The following KIRREL2 variants were observed in gnomAD, a reference collection of about 807,000 sequenced individuals.
KIRREL2 encodes the protein kirre like nephrin family adhesion molecule 2.
A neutral mutation model predicts 73.4 loss-of-function variants in KIRREL2; 56 were observed. The observed-to-expected ratio is 0.76, with a 90% CI of 0.62 to 0.95. The LOEUF (loss-of-function observed/expected upper bound fraction) is 0.95. Among genes scored for constraint, KIRREL2 ranks in the 40% least tolerant of loss-of-function variants. The pLI, the probability that KIRREL2 is intolerant of heterozygous loss-of-function variation, is 0.00. For synonymous variants in KIRREL2, 407 were observed against 404.0 expected (o/e 1.01, Z -0.09); for missense variants, 896 against 935.0 (o/e 0.96, Z 0.54).
intron 8 of KIRREL2, 31 bp from the exon 9 acceptor site, chr19:35,861,091 T>A (rs918198197): frequency 1.4e-5 from 22 of 1,606,198 alleles, no homozygotes; most frequent in Non-Finnish European, 1.6e-5. Context: ...TCCTTACAAA[T>A]CCGGCTTCTG....
At chr19:35,862,121 A>C in intron 11 of KIRREL2, 97 bp downstream of exon 11, 4 of 1,035,904 alleles carry the variant, frequency 3.9e-6, no homozygotes, top group Non-Finnish European at 5.6e-6. Context: ...ATACCCTCAA[A>C]TGCAGAGGAG....
rs769337095 is a variant in KIRREL2 at position 35,864,648 on chromosome 19, G to C, written c.1726G>C (p.Gly576Arg). The C allele has an allele frequency of 6.2e-7, 1 of 1,612,292 alleles. No homozygotes were observed. Among genetic ancestry groups the C allele is most frequent in the Admixed American group, 1.7e-5 (1 of 59,994 alleles). ...CCTCTCACTAAGTTCCCTACCCCAG[G>C]GCCCCATTGTGCACACTGACCACAG... ...EEETGSREDR[G>R]PIVHTDHSDL... Residue 576 changes from glycine (G) to arginine (R), a missense_variant and splice_region_variant, in exon 14 of 15, where the codon GGC (glycine) becomes CGC (arginine). Gly to Arg is a moderately radical substitution (Grantham distance 125, BLOSUM62 -2). Transcript: ENST00000360202.
At position 35,860,027 on chromosome 19, in the gene KIRREL2, C is replaced by T. The variant is rs1308663374; in HGVS notation, c.674-270C>T. 1.3e-5 allele frequency among the ~76,000 whole-genome samples: 2 copies of T among 151,984 alleles called. 1 individual carries two copies. ...GCCACTCAGCAGCAGAGTGAGACTC[C>T]GAGCAGGAGAGGACAGACAGCTGGG... On this transcript the variant is annotated intron_variant, in intron 5 of 14. Coordinates refer to ENST00000360202, the MANE Select transcript of KIRREL2 (RefSeq NM_199180.4).
rs1223359310 is a variant in KIRREL2, at chr19:35,863,056, A to C, written c.1725+20A>C. The C allele has an allele frequency of 7.2e-7, 1 of 1,388,716 alleles. No individual in the cohort carries two copies. The highest frequency in any genetic ancestry group is 1.9e-5 in the Admixed American group (1 of 51,384). 86.0% of individuals were successfully genotyped at this position (1,388,716 alleles called of 1,614,324 possible). ...GACCGGGTAGGATGCCAGGGTCCCC[A>C]GACCTGACTGTGCCTCCAGACCTAA... On this transcript the variant is annotated intron_variant, in intron 13 of 14. Coordinates refer to ENST00000360202, the MANE Select transcript of KIRREL2 (RefSeq NM_199180.4).
Sources: gnomAD v4.1 joint callset for allele counts (sites outside exome capture counted in the v4.1 genomes callset) on GRCh38, gnomAD v4.1.1 for gene constraint, MANE v1.5 for transcripts, NCBI Gene and HGNC (gene_info 2026-07-23, HGNC 2026-07-21) for gene names.